The following COL11A1 variants were observed in gnomAD, a reference collection of about 807,000 sequenced individuals.
The protein encoded by COL11A1 is collagen type XI alpha 1 chain, also known as collagen alpha-1(XI) chain.
In COL11A1, 74 loss-of-function variants were observed where a neutral mutation model predicts 265.2. The ratio of observed to expected loss-of-function variants is 0.28; its 90% CI spans 0.23 to 0.34. COL11A1 has a LOEUF of 0.34. Ranked by LOEUF, COL11A1 falls within the 10% of genes least tolerant of loss-of-function variation. The probability of loss-of-function intolerance (pLI) is 1.00; values close to 1 mark genes in which losing one functional copy is unlikely to be tolerated. For missense variants in COL11A1, 2,165 were observed against 2,263.6 expected, an observed-to-expected ratio of 0.96 and a Z score of 0.88; for synonymous variants, 816 against 727.6, an observed-to-expected ratio of 1.12 and a Z score of -1.96.
At chr1:103,001,687 CTGA>C (rs1238322787) in intron 24 of COL11A1, 6 of 566,968 alleles carry the variant, frequency 1.1e-5, no homozygotes, top group African/African-American at 9.4e-5. Flanking sequence ...ATTAACATAG[CTGA>C]GAATGCCACA....
chr1:102,911,611 C>T (rs1353144618), intron 54 of COL11A1, among the ~76,000 whole-genome samples: 1 of 152,138 alleles, frequency 6.6e-6, no homozygotes, highest in African/African-American at 2.4e-5. Context: ...GAAAGTAAAT[C>T]TCCTAGGGTC....
intron 4 of COL11A1, among the ~76,000 whole-genome samples, chr1:103,031,826 G>A (rs12744290): frequency 0.039 from 5,834 of 151,120 alleles, 127 homozygotes; most frequent in Middle Eastern, 0.1. Flanking sequence ...AATAAAAAAA[G>A]CATGAGTTTG....
intron 41 of COL11A1, among the ~76,000 whole-genome samples, chr1:102,960,221 GAGTA>G (rs1446946545): frequency 1.1e-4 from 17 of 152,094 alleles, no homozygotes; most frequent in Admixed American, 1.0e-3. Context: ...GTGAAGTAAA[GAGTA>G]AGTATCATGT....
intron 3 of COL11A1, 85 bp from the exon 4 acceptor site, chr1:103,074,865 T>C (rs1262657691): frequency 6.8e-7 from 1 of 1,467,654 alleles, no homozygotes; most frequent in East Asian, 2.3e-5. Context: ...CTGTGTATTT[T>C]AAATTATAAA....
chr1:103,104,827 T>C (rs1674566271), intron 1 of COL11A1, among the ~76,000 whole-genome samples: 1 of 152,198 alleles, frequency 6.6e-6, no homozygotes, highest in Non-Finnish European at 1.5e-5. Context: ...ATATCTGAGT[T>C]TCTGATTTCT....
chr1:102,958,247 T>C (rs1014574605), intron 41 of COL11A1, among the ~76,000 whole-genome samples: 1 of 152,126 alleles, frequency 6.6e-6, no homozygotes, highest in African/African-American at 2.4e-5. Context: ...CTTTAATATT[T>C]TGCCATCACC....
At chr1:103,101,386 C>T (rs1362583944) in intron 1 of COL11A1, among the ~76,000 whole-genome samples, 2 of 152,000 alleles carry the variant, frequency 1.3e-5, no homozygotes, top group African/African-American at 4.8e-5. Flanking sequence ...AAAGGAAAGA[C>T]AGACACCACT....
Position 102,898,344 on chromosome 1 carries a change from A to C in COL11A1, c.4249-166T>G, listed in dbSNP as rs1622838. Reference sequence around the variant, plus strand: ...TATTGTAAATAATTTTGTGTCTTTAATATGTGTATATGTCTATATTCAAAT... The same window carrying C: ...TATTGTAAATAATTTTGTGTCTTTACTATGTGTATATGTCTATATTCAAAT... On this transcript the variant is annotated intron_variant, in intron 56 of 66. Transcript: ENST00000370096. 0.088 allele frequency among the ~76,000 whole-genome samples: 13,320 copies of C among 151,784 alleles called. 697 individuals carry two copies. Among genetic ancestry groups the C allele is most frequent in the Middle Eastern group, 0.16 (48 of 292 alleles).
At chr1:103,018,282 T>A (rs1156800411) in intron 10 of COL11A1, among the ~76,000 whole-genome samples, 2 of 152,180 alleles carry the variant, frequency 1.3e-5, no homozygotes, top group Non-Finnish European at 2.9e-5. Flanking sequence ...CATATTTAAA[T>A]GCATCAGTAT....
At chr1:103,007,053 T>C (rs917302458) in intron 15 of COL11A1, among the ~76,000 whole-genome samples, 3 of 152,092 alleles carry the variant, frequency 2.0e-5, no homozygotes, top group African/African-American at 7.2e-5. Flanking sequence ...GCTTATAATG[T>C]TGGATTGTAA....
chr1:102,935,763 T>A (rs1212751018), intron 44 of COL11A1, among the ~76,000 whole-genome samples: 1 of 152,330 alleles, frequency 6.6e-6, no homozygotes, highest in Middle Eastern at 3.4e-3. Context: ...AAAACTGTCA[T>A]TGAACTGTAT....
At chr1:103,089,443 C>A (rs1019357701) in intron 1 of COL11A1, among the ~76,000 whole-genome samples, 1 of 152,172 alleles carries the variant, frequency 6.6e-6, no homozygotes, top group East Asian at 1.9e-4. Context: ...AGGCTGTATG[C>A]TCTCAGGCAC....
At position 102,992,498 on chromosome 1, in the gene COL11A1, G is replaced by A. The variant is rs141180545; in HGVS notation, c.2341-2927C>T. ...AATATTTTCCATTTTCTTCTATCTC[G>A]TAAGAGATAAATGATCAATTATCTT... is the stretch of plus-strand genomic sequence containing the variant. On this transcript the variant is annotated intron_variant, in intron 28 of 66. Coordinates refer to ENST00000370096, the MANE Select transcript of COL11A1 (RefSeq NM_001854.4). Among the ~76,000 whole-genome samples, 980 of 151,698 alleles carry A rather than the reference G, an allele frequency of 6.5e-3. 17 individuals carry two copies. The highest frequency in any genetic ancestry group is 0.022 in the African/African-American group (925 of 41,386).
chr1:102,885,657 G>T (rs1277730851), intron 63 of COL11A1, among the ~76,000 whole-genome samples: 2 of 151,906 alleles, frequency 1.3e-5, no homozygotes, highest in Non-Finnish European at 1.5e-5. Context: ...AATCATCTAA[G>T]ATTTTACCAA....
At position 103,015,801 on chromosome 1, in the gene COL11A1, CTAGAAT is replaced by C. The variant is rs1375409226; in HGVS notation, c.1414-65_1414-60del. On this transcript the variant is annotated intron_variant, in intron 11 of 66. Coordinates refer to ENST00000370096, the MANE Select transcript of COL11A1 (RefSeq NM_001854.4). ...AATATCAAAATAATATTTACTAGAA[CTAGAAT>C]AACTTATAACGTAAGTCTACTTTAT... 4.1e-6 allele frequency: 5 copies of C among 1,204,936 alleles called. No individual in the cohort carries two copies. The Admixed American group carries it at 8.3e-5, about 20-fold the overall frequency. 74.6% of individuals were successfully genotyped at this position (1,204,936 alleles called of 1,614,324 possible).
chr1:102,928,762 T>C (rs1354899341), intron 46 of COL11A1, among the ~76,000 whole-genome samples: 1 of 142,876 alleles, frequency 7.0e-6, no homozygotes, highest in African/African-American at 2.6e-5. Flanking sequence ...ACCTGTTGTT[T>C]CCTGACTTTT....
chr1:103,031,950 A>C (rs1668031731), intron 4 of COL11A1, among the ~76,000 whole-genome samples: 2 of 152,202 alleles, frequency 1.3e-5, no homozygotes, highest in Middle Eastern at 3.4e-3. Context: ...TTAATAATAG[A>C]ATTACCTAAA....
intron 37 of COL11A1, among the ~76,000 whole-genome samples, chr1:102,968,103 C>T (rs1313232615): frequency 6.6e-6 from 1 of 152,184 alleles, no homozygotes; most frequent in African/African-American, 2.4e-5. Flanking sequence ...AAACAAACTA[C>T]ACAGGAAAAC....
intron 6 of COL11A1, 96 bp downstream of exon 6, chr1:103,026,120 A>T: frequency 1.7e-6 from 2 of 1,200,544 alleles, no homozygotes; most frequent in Non-Finnish European, 2.5e-6. Flanking sequence ...AAGATGAATG[A>T]AAGGTTTATG....
Sources: gnomAD v4.1 joint callset for allele counts (sites outside exome capture counted in the v4.1 genomes callset) on GRCh38, gnomAD v4.1.1 for gene constraint, MANE v1.5 for transcripts, NCBI Gene and HGNC (gene_info 2026-07-23, HGNC 2026-07-21) for gene names.